ELMO1: variants seen among roughly 807,000 people sequenced by gnomAD.
ELMO1 encodes the protein engulfment and cell motility protein 1.
ELMO1 carries 26 observed loss-of-function variants against 98.9 expected under a neutral mutation model. That is an observed-to-expected ratio of 0.26 (90% CI 0.19 to 0.36). ELMO1 has a LOEUF of 0.36. ELMO1 is among the 10% of genes least tolerant of loss of function. ELMO1 has a pLI of 1.00. For missense variants in ELMO1, 627 were observed against 935.2 expected (o/e 0.67, Z 4.30); for synonymous variants, 346 against 346.0 (o/e 1.00, Z 0.00).
intron 16 of ELMO1, among the ~76,000 whole-genome samples, chr7:36,999,429 C>T (rs536563784): frequency 6.6e-6 from 1 of 152,208 alleles, no homozygotes; most frequent in South Asian, 2.1e-4. Flanking sequence ...ACGAAGAGAC[C>T]GGGATACAGG....
chr7:36,997,335 T>C (rs970170566), intron 16 of ELMO1, among the ~76,000 whole-genome samples: 5 of 152,248 alleles, frequency 3.3e-5, no homozygotes, highest in Non-Finnish European at 1.5e-5. Context: ...GTGGTATTTA[T>C]GGCCTGACAA....
At chr7:36,973,712 G>A (rs1223658878) in intron 16 of ELMO1, among the ~76,000 whole-genome samples, 1 of 152,240 alleles carries the variant, frequency 6.6e-6, no homozygotes, top group African/African-American at 2.4e-5. Flanking sequence ...CAAGGCCGGA[G>A]ACAGCTCCCT....
In ELMO1 at chr7:37,257,491, G is replaced by A. The variant is rs146704419; in HGVS notation, c.413+1690C>T. 9.9e-3 allele frequency among the ~76,000 whole-genome samples: 1,508 copies of A among 151,680 alleles called. 28 individuals are homozygous for A. Among genetic ancestry groups the A allele is most frequent in the African/African-American group, 0.035 (1,449 of 41,300 alleles). On this transcript the variant is annotated intron_variant, in intron 6 of 21. Coordinates refer to ENST00000310758, the MANE Select transcript of ELMO1 (RefSeq NM_014800.11). ...TGTAATCCCAACACTTTGGGAAGCC[G>A]AAATGGGCAGATCACGAGGTCAAGA... is the stretch of plus-strand genomic sequence containing the variant.
At chr7:37,179,279 C>CTTTTT (rs67076734) in intron 13 of ELMO1, among the ~76,000 whole-genome samples, 2 of 135,362 alleles carry the variant, frequency 1.5e-5, no homozygotes, top group Admixed American at 7.5e-5. Context: ...GCATATAGCT[C>CTTTTT]TTTTTTTTTT....
At chr7:37,041,705 T>C (rs1056962740) in intron 15 of ELMO1, among the ~76,000 whole-genome samples, 1 of 151,934 alleles carries the variant, frequency 6.6e-6, no homozygotes, top group Non-Finnish European at 1.5e-5. Flanking sequence ...AATGAAGATA[T>C]GAGGATCAAG....
chr7:37,054,487 T>G (rs1446934360), intron 15 of ELMO1, among the ~76,000 whole-genome samples: 1 of 152,198 alleles, frequency 6.6e-6, no homozygotes, highest in Non-Finnish European at 1.5e-5. Context: ...GTGTTATCTA[T>G]CATAAAGAAA....
chr7:37,404,831 C>T (rs1395018476), intron 1 of ELMO1, among the ~76,000 whole-genome samples: 3 of 152,144 alleles, frequency 2.0e-5, no homozygotes, highest in African/African-American at 4.8e-5. Flanking sequence ...ACTGGGTAAT[C>T]GTTACTTGAT....
chr7:36,901,067 AG>A (rs1328788784), intron 16 of ELMO1, among the ~76,000 whole-genome samples: 1 of 152,202 alleles, frequency 6.6e-6, no homozygotes, highest in East Asian at 1.9e-4. Context: ...GTCAGAAGTG[AG>A]GGTACAAACT....
chr7:37,406,912 G>T (rs1382479671), intron 1 of ELMO1, among the ~76,000 whole-genome samples: 1 of 152,188 alleles, frequency 6.6e-6, no homozygotes, highest in East Asian at 1.9e-4. Flanking sequence ...AGGCAAAGAT[G>T]AAAGAATTCA....
intron 1 of ELMO1, among the ~76,000 whole-genome samples, chr7:37,448,251 C>G (rs1177349629): frequency 1.3e-5 from 2 of 151,978 alleles, no homozygotes; most frequent in African/African-American, 4.8e-5. Flanking sequence ...AAGATCCCAG[C>G]CCCACATCCC....
intron 14 of ELMO1, among the ~76,000 whole-genome samples, chr7:37,103,843 A>T (rs1324302320): frequency 2.7e-5 from 4 of 150,120 alleles, no homozygotes; most frequent in East Asian, 1.9e-4. Flanking sequence ...AAGAATACAA[A>T]ATATATATAT....
At chr7:37,331,333 C>CTTTTTTTTTTGTTTTTTTT (rs1800101445) in intron 2 of ELMO1, among the ~76,000 whole-genome samples, 1 of 28,716 alleles carries the variant, frequency 3.5e-5, no homozygotes, top group East Asian at 9.5e-4. Context: ...CCACGCCTGG[C>CTTTTTTTTTTGTTTTTTTT]TTTTTTTTTT....
intron 13 of ELMO1, among the ~76,000 whole-genome samples, chr7:37,210,432 T>C (rs1374396280): frequency 6.6e-6 from 1 of 151,746 alleles, no homozygotes; most frequent in Non-Finnish European, 1.5e-5. Context: ...AAATAACACA[T>C]AAAGCATGAT....
At chr7:37,164,272 TC>T (rs374718191) in intron 13 of ELMO1, among the ~76,000 whole-genome samples, 3 of 152,234 alleles carry the variant, frequency 2.0e-5, no homozygotes. Context: ...GAAAATTTTC[TC>T]CCATTTTGTG....
chr7:37,085,025 T>C (rs558403076), intron 15 of ELMO1, among the ~76,000 whole-genome samples: 16 of 152,250 alleles, frequency 1.1e-4, no homozygotes, highest in Non-Finnish European at 1.8e-4. Flanking sequence ...CCAAAGTGGT[T>C]GGATTACAGG....
chr7:36,888,543 T>G (rs865804238), intron 17 of ELMO1, among the ~76,000 whole-genome samples: 1 of 152,182 alleles, frequency 6.6e-6, no homozygotes, highest in Non-Finnish European at 1.5e-5. Context: ...TAGGCTCTGC[T>G]CACGACTAGC....
chr7:37,219,723 G>A (rs184633585), intron 10 of ELMO1, among the ~76,000 whole-genome samples: 75 of 152,278 alleles, frequency 4.9e-4, no homozygotes, highest in African/African-American at 1.7e-3. Flanking sequence ...ATTCTTACCC[G>A]CTCAGTAACC....
chr7:36,880,676 A>G (rs1039659395), intron 18 of ELMO1, among the ~76,000 whole-genome samples: 15 of 152,218 alleles, frequency 9.9e-5, no homozygotes, highest in Non-Finnish European at 1.6e-4. Flanking sequence ...CAAGGCAGCT[A>G]AGAGAAAGAT....
chr7:37,284,032 GAT>G, intron 4 of ELMO1, among the ~76,000 whole-genome samples: 1 of 152,200 alleles, frequency 6.6e-6, no homozygotes, highest in East Asian at 1.9e-4. Flanking sequence ...AGGGGAGTAT[GAT>G]ACACATTAAT....
Sources: allele counts gnomAD v4.1 joint callset (sites outside exome capture counted in the v4.1 genomes callset), GRCh38; gene constraint gnomAD v4.1.1; transcripts MANE v1.5; gene names NCBI Gene and HGNC (gene_info 2026-07-23, HGNC 2026-07-21).